Variants in USO1 observed in about 807,000 individuals in gnomAD.
The protein encoded by USO1 is USO1 vesicle transport factor, also known as general vesicular transport factor p115.
USO1 carries 57 observed loss-of-function variants against 124.5 expected under a neutral mutation model. That is an observed-to-expected ratio of 0.46 (90% confidence interval 0.37 to 0.57). The LOEUF is 0.57. Ranked by LOEUF, USO1 falls within the 20% of genes least tolerant of loss-of-function variation. The pLI, the probability that USO1 is intolerant of heterozygous loss-of-function variation, is 0.00. For synonymous variants in USO1, 369 were observed against 362.8 expected, an observed-to-expected ratio of 1.02 and a Z score of -0.19; for missense variants, 900 against 1,040.6, an observed-to-expected ratio of 0.86 and a Z score of 1.86.
chr4:75,731,002 C>T (rs373150311), intron 1 of USO1, among the ~76,000 whole-genome samples: 48 of 152,088 alleles, frequency 3.2e-4, no homozygotes, highest in African/African-American at 1.2e-3. Context: ...CATTATGACC[C>T]CTTGCTTAAA....
chr4:75,803,924 C>A (rs535824729), intron 17 of USO1, among the ~76,000 whole-genome samples: 204 of 152,160 alleles, frequency 1.3e-3, no homozygotes, highest in African/African-American at 4.8e-3. Flanking sequence ...ATTAATGGAG[C>A]CTTCTTTGAA....
chr4:75,803,009 C>T (rs1722895562), intron 17 of USO1, among the ~76,000 whole-genome samples: 1 of 146,908 alleles, frequency 6.8e-6, no homozygotes, highest in African/African-American at 2.5e-5. Context: ...GCTTGAACAA[C>T]CTGGGAGGCG....
intron 14 of USO1, 97 bp from the exon 15 acceptor site, chr4:75,800,254 A>C (rs1577970627): frequency 7.3e-7 from 1 of 1,378,652 alleles, no homozygotes; most frequent in Non-Finnish European, 9.7e-7. Context: ...GGAATTTCTT[A>C]TGGGAACTCT....
At chr4:75,760,081 G>A (rs1033629013) in intron 4 of USO1, among the ~76,000 whole-genome samples, 5 of 151,916 alleles carry the variant, frequency 3.3e-5, no homozygotes, top group Non-Finnish European at 5.9e-5. Context: ...GCGTGGTGGT[G>A]CACACCTGTA....
Position 75,801,197 on chromosome 4 carries a change from G to C in USO1, c.1983G>C (p.Glu661Asp). ...CTCACTACAAAAATATGATTCGAGA[G>C]CAGGTAAGTACTAATGAACTGTATA... Reference protein sequence around the residue: ...IVTHYKNMIREQDLQLEELRQ... With the variant: ...IVTHYKNMIRDQDLQLEELRQ... Residue 661 changes from glutamate (E) to aspartate (D), a missense_variant, in exon 17 of 24, where the codon GAG becomes GAC. Around this residue, in one of 2 missense-constraint regions of USO1, gnomAD observed 362 missense variants for 359.0 expected, o/e 1.01. Coordinates refer to ENST00000514213, the MANE Select transcript of USO1 (RefSeq NM_003715.4). The C allele has an allele frequency of 6.2e-7, 1 of 1,605,952 alleles. No individual in the cohort carries two copies. The highest frequency in any genetic ancestry group is 8.5e-7 in the Non-Finnish European group (1 of 1,177,184).
chr4:75,745,798 G>T (rs560114605), intron 1 of USO1, among the ~76,000 whole-genome samples: 1 of 152,118 alleles, frequency 6.6e-6, no homozygotes, highest in African/African-American at 2.4e-5. Flanking sequence ...TACTCAGGAG[G>T]CTGAGGTGAG....
intron 7 of USO1, among the ~76,000 whole-genome samples, chr4:75,771,555 CACCAA>C (rs1354879088): frequency 6.6e-6 from 1 of 152,192 alleles, no homozygotes; most frequent in African/African-American, 2.4e-5. Context: ...TTGTATTTGA[CACCAA>C]ACTCTACCTC....
intron 1 of USO1, among the ~76,000 whole-genome samples, chr4:75,745,565 C>G (rs1560438170): frequency 6.6e-6 from 1 of 152,102 alleles, no homozygotes; most frequent in Non-Finnish European, 1.5e-5. Flanking sequence ...TTGGGGTGCA[C>G]TGCTATGTTT....
chr4:75,761,463 A>G, intron 4 of USO1, among the ~76,000 whole-genome samples: 2 of 152,336 alleles, frequency 1.3e-5, no homozygotes, highest in Middle Eastern at 6.8e-3. Context: ...GTAATATTTC[A>G]GTATGTATAC....
In USO1 at chr4:75,759,246, C is replaced by CTTTTTTTTTTTTTTTTTTTTTTTTTTT. The variant is rs71208100; in HGVS notation, c.295+1691_295+1692insTTTTTTTTTTTTTTTTTTTTTTTTTTT. ...TAATAGAATCACTTTTATTAAGGAC[C>CTTTTTTTTTTTTTTTTTTTTTTTTTTT]TTTTTTTTTTTTTTTTTTCTGAAAA... On this transcript the variant is annotated intron_variant, in intron 4 of 23. Transcript: ENST00000514213. Among the ~76,000 whole-genome samples the CTTTTTTTTTTTTTTTTTTTTTTTTTTT allele has an allele frequency of 1.9e-4, 13 of 69,126 alleles. 4 individuals are homozygous for CTTTTTTTTTTTTTTTTTTTTTTTTTTT. The highest frequency in any genetic ancestry group is 5.8e-4 in the African/African-American group (9 of 15,530). 45.3% of individuals were successfully genotyped at this position (69,126 alleles called of 152,430 possible). A position where few individuals can be genotyped will look rare whatever the true frequency, so the allele number is the denominator to read the frequency against.
chr4:75,731,863 A>G (rs1043311724), intron 1 of USO1, among the ~76,000 whole-genome samples: 1 of 152,242 alleles, frequency 6.6e-6, no homozygotes, highest in African/African-American at 2.4e-5. Flanking sequence ...ACTTAAAAAA[A>G]AGAATTGTGA....
At position 75,724,773 on chromosome 4, in the gene USO1, T is replaced by TC. The variant is rs1385670356; in HGVS notation, c.-46dup. ...CTGCGGAGGGCGGGGGAAGTTGTCT[T>TC]CTTTTTTTTCCGGAGGGGCCGGTAA... On this transcript the variant is annotated 5_prime_UTR_variant, in exon 1 of 24. Transcript: ENST00000514213. The TC allele has an allele frequency of 1.9e-6, 3 of 1,606,438 alleles. No homozygotes were observed. The highest frequency in any genetic ancestry group is 2.2e-5 in the East Asian group (1 of 44,824).
intron 4 of USO1, among the ~76,000 whole-genome samples, chr4:75,762,324 C>G (rs1041683899): frequency 3.3e-5 from 5 of 151,676 alleles, no homozygotes; most frequent in Non-Finnish European, 7.4e-5. Flanking sequence ...TCACCACACC[C>G]AGCTAATTTT....
chr4:75,744,147 T>G (rs1337381382), intron 1 of USO1, among the ~76,000 whole-genome samples: 1 of 152,186 alleles, frequency 6.6e-6, no homozygotes, highest in African/African-American at 2.4e-5. Flanking sequence ...TTCTAAATGC[T>G]TAGTCTCTAT....
chr4:75,757,723 G>A, intron 4 of USO1, 150 bp downstream of exon 4: 1 of 711,604 alleles, frequency 1.4e-6, no homozygotes, highest in Non-Finnish European at 1.9e-6. Context: ...CATAGGCTTA[G>A]ATCTAGAAAA....
chr4:75,756,353 A>G (rs780222582), intron 3 of USO1, among the ~76,000 whole-genome samples: 2 of 152,092 alleles, frequency 1.3e-5, no homozygotes, highest in African/African-American at 2.4e-5. Flanking sequence ...TGATGATTAT[A>G]CATACTTATA....
intron 1 of USO1, among the ~76,000 whole-genome samples, chr4:75,738,885 C>T (rs1720872149): frequency 6.6e-6 from 1 of 151,988 alleles, no homozygotes; most frequent in Non-Finnish European, 1.5e-5. Context: ...TGGAGTCTCA[C>T]CCTGTTGCCC....
chr4:75,795,248 T>C, intron 13 of USO1: 1 of 692,798 alleles, frequency 1.4e-6, no homozygotes. Flanking sequence ...GTAGAGAGAC[T>C]ATGAAAAAGT....
chr4:75,780,830 A>G (rs1017678097), intron 8 of USO1, among the ~76,000 whole-genome samples: 1 of 151,146 alleles, frequency 6.6e-6, no homozygotes, highest in Non-Finnish European at 1.5e-5. Flanking sequence ...GTAATTTATT[A>G]GAGACAGGGT....
Sources: gnomAD v4.1 joint callset for allele counts (sites outside exome capture counted in the v4.1 genomes callset) on GRCh38, gnomAD v4.1.1 for gene constraint, gnomAD v4.1.1 regional missense constraint, MANE v1.5 for transcripts, NCBI Gene and HGNC (gene_info 2026-07-23, HGNC 2026-07-21) for gene names.